KLHL12: variants seen among roughly 807,000 people sequenced by gnomAD.
KLHL12 encodes kelch like family member 12.
KLHL12 carries 17 observed loss-of-function variants against 60.8 expected under a neutral mutation model. The ratio of observed to expected loss-of-function variants is 0.28; its 90% CI spans 0.19 to 0.42. The LOEUF is 0.42. KLHL12 is among the 10% of genes least tolerant of loss of function. The probability of loss-of-function intolerance (pLI) is 1.00; values close to 1 mark genes in which losing one functional copy is unlikely to be tolerated. For missense variants in KLHL12, 468 were observed against 722.3 expected (o/e 0.65, Z 4.04); for synonymous variants, 220 against 250.9 (o/e 0.88, Z 1.16).
intron 6 of KLHL12, among the ~76,000 whole-genome samples, 163 bp downstream of exon 6, chr1:202,908,847 G>C (rs910242288): frequency 2.6e-5 from 4 of 152,120 alleles, no homozygotes; most frequent in African/African-American, 9.7e-5. Context: ...TTGATTTATA[G>C]GAAAGAAAGC....
At chr1:202,900,731 G>A (rs910558090) in intron 6 of KLHL12, among the ~76,000 whole-genome samples, 3 of 152,112 alleles carry the variant, frequency 2.0e-5, no homozygotes, top group African/African-American at 7.2e-5. Flanking sequence ...AGGTGTGGTG[G>A]TACACACCTG....
Position 202,895,404 on chromosome 1 carries a change from A to T in KLHL12, c.1135+118T>A. The T allele has an allele frequency of 2.3e-6, 2 of 858,308 alleles. No homozygotes were observed. The highest frequency in any genetic ancestry group is 3.5e-5 in the South Asian group (2 of 57,130). 53.2% of individuals were successfully genotyped at this position (858,308 alleles called of 1,614,324 possible). A position where few individuals can be genotyped will look rare whatever the true frequency, so the allele number is the denominator to read the frequency against. The stretch of plus-strand genomic sequence containing the variant: ...GAGAGACCCTGTCTCAAATAATAAT[A>T]ACATTTGACCTTAATTTTTTCTCCG... On this transcript the variant is annotated intron_variant, in intron 8 of 11. Transcript: ENST00000367261. This position sits in a 1 kb window ranked among gnomAD's most constrained non-coding sequence, Gnocchi z 4.2.
rs1539357 is a variant in KLHL12 at position 202,909,326 on chromosome 1, T to A, written c.718-202A>T. Among the ~76,000 whole-genome samples, 82,937 of 150,096 alleles carry A rather than the reference T, an allele frequency of 0.55. 23,622 individuals carry two copies. Among genetic ancestry groups the A allele is most frequent in the Non-Finnish European group, 0.62 (42,120 of 67,704 alleles). On this transcript the variant is annotated intron_variant, in intron 5 of 11. Coordinates refer to ENST00000367261, the MANE Select transcript of KLHL12 (RefSeq NM_021633.4). This position sits in a 1 kb window ranked among gnomAD's most constrained non-coding sequence, Gnocchi z 4.1. ...AAATTTACTTGAAAAATAGATAACA[T>A]ACTAGATGGATCAAAAATCAAATGA... is the stretch of plus-strand genomic sequence containing the variant.
intron 5 of KLHL12, among the ~76,000 whole-genome samples, chr1:202,910,689 A>G (rs892122943): frequency 6.6e-6 from 1 of 152,242 alleles, no homozygotes; most frequent in African/African-American, 2.4e-5. Context: ...GCTTTACCAG[A>G]AGTCAAAAAT....
At chr1:202,927,596 A>T (rs1250038154), upstream of KLHL12, among the ~76,000 whole-genome samples, 1 of 143,204 alleles carries the variant, frequency 7.0e-6, no homozygotes, top group Non-Finnish European at 1.5e-5. Flanking sequence ...CAGGAGGATC[A>T]CTTGAGCCAG....
At chr1:202,894,319 T>A (rs1270726585) in intron 9 of KLHL12, 37 bp from the exon 10 acceptor site, 1 of 1,379,428 alleles carries the variant, frequency 7.2e-7, no homozygotes, top group Non-Finnish European at 1.0e-6. Flanking sequence ...GAGTGGTAAA[T>A]CCTCATGCCC....
At position 202,918,373 on chromosome 1, in the gene KLHL12, CAG is replaced by C. The variant is rs1254436661; in HGVS notation, c.363_364del (p.Cys122LeufsTer2). On this transcript the variant is annotated frameshift_variant, in exon 4 of 12. Coordinates refer to ENST00000367261, the MANE Select transcript of KLHL12 (RefSeq NM_021633.4). LOFTEE classifies it high-confidence loss of function. ...CAACTGACTTTCTAAGAACTCACAG[CAG>C]GCTTGTTTCACACCTAGGACAGACA... The C allele has an allele frequency of 1.1e-5, 17 of 1,613,984 alleles. No individual in the cohort carries two copies. The highest frequency in any genetic ancestry group is 1.3e-5 in the Non-Finnish European group (15 of 1,179,934).
rs771314667 is a variant in KLHL12, at chr1:202,892,594, A to G, written c.1646T>C (p.Val549Ala). The G allele has an allele frequency of 6.2e-7, 1 of 1,614,132 alleles. No individual in the cohort carries two copies. The highest frequency in any genetic ancestry group is 1.1e-5 in the South Asian group (1 of 91,084). Residue 549 changes from valine to alanine, a missense_variant, in exon 12 of 12, where the codon GTC becomes GCC. Physicochemically the swap from Val to Ala is moderately conservative, Grantham distance 64 (BLOSUM62 0). Coordinates refer to ENST00000367261, the MANE Select transcript of KLHL12 (RefSeq NM_021633.4). Reference protein sequence around the residue: ...CYDPIIDSWEVVTSMGTQRCD... With the variant: ...CYDPIIDSWEAVTSMGTQRCD... ...GCGCTGGGTTCCCATGGATGTCACG[A>G]CTTCCCAGCTGTCGATGATAGGGTC...
intron 6 of KLHL12, among the ~76,000 whole-genome samples, chr1:202,900,479 G>A (rs2102415479): frequency 6.6e-6 from 1 of 152,260 alleles, no homozygotes; most frequent in African/African-American, 2.4e-5. Context: ...AAGTCCAGGA[G>A]GTTAAGGCTG....
In KLHL12 at chr1:202,892,356, G is replaced by A. The variant is rs1243226265; in HGVS notation, c.*177C>T. 8 of 613,812 alleles carry A rather than the reference G, an allele frequency of 1.3e-5. No individual in the cohort carries two copies. Among genetic ancestry groups the A allele is most frequent in the Non-Finnish European group, 5.4e-6 (2 of 372,352 alleles). 38.0% of individuals were successfully genotyped at this position (613,812 alleles called of 1,614,324 possible). A position where few individuals can be genotyped will look rare whatever the true frequency, so the allele number is the denominator to read the frequency against. ...AATATCTGTTACCCACCCTTCTCAG[G>A]AACAAGAACCAGGACGACGGGGAGT... is the stretch of plus-strand genomic sequence containing the variant. On this transcript the variant is annotated 3_prime_UTR_variant, in exon 12 of 12. Coordinates refer to ENST00000367261, the MANE Select transcript of KLHL12 (RefSeq NM_021633.4).
chr1:202,895,700 T>C lies in KLHL12; in HGVS notation c.957A>G (p.Arg319=). Residue 319 remains arginine (R), a synonymous_variant, in exon 8 of 12, where the codon AGA becomes AGG. Transcript: ENST00000367261. The surrounding 1 kb of genome is among the most constrained non-coding windows in gnomAD (Gnocchi z 4.2). The part of the protein sequence containing the change: ...WSFLPSITRK[R]RYVASVSLHD... ...GAAGGGACACTGAGGCCACATAACG[T>C]CTCTTACGAGTGATGCTCTATGGAT... 1 of 1,613,966 alleles carries C rather than the reference T, an allele frequency of 6.2e-7. No individual in the cohort carries two copies. Among genetic ancestry groups the C allele is most frequent in the Non-Finnish European group, 8.5e-7 (1 of 1,179,886 alleles).
intron 4 of KLHL12, among the ~76,000 whole-genome samples, chr1:202,915,135 G>A (rs1371813584): frequency 6.6e-6 from 1 of 152,122 alleles, no homozygotes; most frequent in East Asian, 1.9e-4. Context: ...TGAGTATTAG[G>A]TACTGGCGTT....
chr1:202,894,820 T>A, intron 8 of KLHL12, 71 bp from the exon 9 acceptor site: 1 of 1,323,782 alleles, frequency 7.6e-7, no homozygotes, highest in Non-Finnish European at 1.1e-6. Flanking sequence ...CTCTACAAAT[T>A]TTCCAAGGGT....
rs1557998501 is a variant in KLHL12 at position 202,918,159 on chromosome 1, A to G, written c.567+12T>C. ...ATCTTGAAGAAACCATAACATCAAG[A>G]CAAATCCGTACCTGAATTTCGTCGC... On this transcript the variant is annotated intron_variant, in intron 4 of 11. Transcript: ENST00000367261. 6.3e-7 allele frequency: 1 copy of G among 1,596,770 alleles called. No homozygotes were observed. Among genetic ancestry groups the G allele is most frequent in the Non-Finnish European group, 8.6e-7 (1 of 1,164,348 alleles).
At chr1:202,898,624 A>C (rs1357049380) in intron 6 of KLHL12, among the ~76,000 whole-genome samples, 3 of 152,216 alleles carry the variant, frequency 2.0e-5, no homozygotes, top group Non-Finnish European at 4.4e-5. Context: ...TGGGAGAAGA[A>C]CATGTTAAAT....
chr1:202,926,288 A>C (rs989720606), intron 1 of KLHL12, among the ~76,000 whole-genome samples: 4 of 152,146 alleles, frequency 2.6e-5, no homozygotes, highest in African/African-American at 7.2e-5. Context: ...TTGGAATCCA[A>C]AACTTTCTGA....
upstream of KLHL12, chr1:202,927,388 A>G: frequency 7.2e-6 from 4 of 553,314 alleles, no homozygotes; most frequent in Non-Finnish European, 9.2e-6. Context: ...CCGAATTACA[A>G]AAAGGTCGGG....
intron 9 of KLHL12, 96 bp downstream of exon 9, chr1:202,894,495 G>A: frequency 1.8e-5 from 22 of 1,247,432 alleles, no homozygotes; most frequent in Non-Finnish European, 2.6e-5. Context: ...TTAGTTGAAG[G>A]GAAGTCTATG....
At position 202,891,764 on chromosome 1, in the gene KLHL12, G is replaced by C. The variant is rs1659683550; in HGVS notation, c.*769C>G. The stretch of plus-strand genomic sequence containing the variant: ...GTCATCTTCTCTCATCCCAACATTT[G>C]TTCACTCTTTTATGCTGTCTCCAGT... On this transcript the variant is annotated 3_prime_UTR_variant, in exon 12 of 12. Coordinates refer to ENST00000367261, the MANE Select transcript of KLHL12 (RefSeq NM_021633.4). 1 of 152,138 alleles carries C rather than the reference G, an allele frequency of 6.6e-6. No homozygotes were observed. The highest frequency in any genetic ancestry group is 1.5e-5 in the Non-Finnish European group (1 of 68,024). The allele number at this position is 152,138 out of a possible 1,614,324, so 9.4% of individuals were successfully genotyped here.
Sources: allele counts gnomAD v4.1 joint callset (sites outside exome capture counted in the v4.1 genomes callset), GRCh38; gene constraint gnomAD v4.1.1; non-coding constraint Gnocchi (gnomAD v3.1); transcripts MANE v1.5; gene names NCBI Gene and HGNC (gene_info 2026-07-23, HGNC 2026-07-21).